PCDHA7: variants seen among roughly 807,000 people sequenced by gnomAD.
The protein encoded by PCDHA7 is protocadherin alpha-7.
A neutral mutation model predicts 57.2 loss-of-function variants in PCDHA7; 37 were observed. The ratio of observed to expected loss-of-function variants is 0.65; its 90% CI spans 0.50 to 0.85. PCDHA7 has a LOEUF of 0.85. Among genes scored for constraint, PCDHA7 ranks in the 40% least tolerant of loss-of-function variants. PCDHA7 has a pLI of 0.00. For synonymous variants in PCDHA7, 553 were observed against 558.8 expected, an observed-to-expected ratio of 0.99 and a Z score of 0.15; for missense variants, 1,188 against 1,241.8, an observed-to-expected ratio of 0.96 and a Z score of 0.65.
At chr5:140,912,139 GTTC>G (rs2075787473) in intron 1 of PCDHA7, among the ~76,000 whole-genome samples, 1 of 152,162 alleles carries the variant, frequency 6.6e-6, no homozygotes. Context: ...ATCTCTCCAT[GTTC>G]TTCTGCCTGT....
intron 1 of PCDHA7, among the ~76,000 whole-genome samples, chr5:140,950,042 T>C (rs2153688283): frequency 6.6e-6 from 1 of 152,082 alleles, no homozygotes; most frequent in South Asian, 2.1e-4. Flanking sequence ...GTTACAACCA[T>C]ATAAGACTAT....
intron 3 of PCDHA7, among the ~76,000 whole-genome samples, chr5:140,986,365 C>T (rs530102099): frequency 2.0e-5 from 3 of 152,194 alleles, no homozygotes; most frequent in Non-Finnish European, 2.9e-5. Flanking sequence ...TGGAGGAATG[C>T]GTTTTGGGGG....
rs2150283763 is a variant in PCDHA7 at position 140,838,077 on chromosome 5, AGTGTGTGTGTGTGTGTGT to A, written c.2355+1376_2355+1393del. On this transcript the variant is annotated intron_variant, in intron 1 of 3. Coordinates refer to ENST00000525929, the MANE Select transcript of PCDHA7 (RefSeq NM_018910.3). ...TTTCCACTTTAAGTTATATATATAT[AGTGTGTGTGTGTGTGTGT>A]GTGTGTGTGTGTGTGTGTGTGTGTG... Among the ~76,000 whole-genome samples the A allele has an allele frequency of 8.8e-4, 71 of 80,700 alleles. No individual in the cohort carries two copies. The South Asian group carries it at 0.01, about 12-fold the overall frequency. The allele number at this position is 80,700 out of a possible 152,430, so 52.9% of individuals were successfully genotyped here. A position where few individuals can be genotyped will look rare whatever the true frequency, so the allele number is the denominator to read the frequency against.
intron 3 of PCDHA7, among the ~76,000 whole-genome samples, chr5:140,987,370 A>G (rs183202119): frequency 5.2e-4 from 79 of 152,328 alleles, no homozygotes; most frequent in East Asian, 3.9e-4. Context: ...TTATATCATT[A>G]CAGGGTCAGA....
At chr5:140,847,637 AAAG>A (rs1781114479) in intron 1 of PCDHA7, 1 of 149,768 alleles carries the variant, frequency 6.7e-6, no homozygotes, top group Admixed American at 6.7e-5. Context: ...TGGAGACTAC[AAAG>A]AAGAGATTAT....
intron 1 of PCDHA7, among the ~76,000 whole-genome samples, chr5:140,955,489 A>G (rs1554221953): frequency 1.3e-5 from 2 of 152,114 alleles, no homozygotes; most frequent in Non-Finnish European, 2.9e-5. Context: ...CCTTCCTGCC[A>G]CCATGTGAAG....
chr5:140,875,521 T>C (rs2055562442), intron 1 of PCDHA7: 2 of 1,614,014 alleles, frequency 1.2e-6, no homozygotes, highest in Non-Finnish European at 1.7e-6. Flanking sequence ...TCTGCTGCTC[T>C]CGCTTCTGCT....
At chr5:140,930,003 A>G (rs1440351209) in intron 1 of PCDHA7, 1 of 152,218 alleles carries the variant, frequency 6.6e-6, no homozygotes, top group Non-Finnish European at 1.5e-5. Flanking sequence ...ACCCTAAAAC[A>G]TAGCTGATAG....
chr5:140,972,515 G>A (rs572041832), intron 1 of PCDHA7, among the ~76,000 whole-genome samples: 1 of 152,166 alleles, frequency 6.6e-6, no homozygotes, highest in South Asian at 2.1e-4. Flanking sequence ...TTTACCCCCA[G>A]TGAGCTTATT....
intron 1 of PCDHA7, among the ~76,000 whole-genome samples, chr5:140,890,620 A>G (rs1554184472): frequency 6.6e-6 from 1 of 152,196 alleles, no homozygotes; most frequent in East Asian, 1.9e-4. Flanking sequence ...TTACCCTAGA[A>G]AATTAAGCAT....
intron 1 of PCDHA7, chr5:140,881,249 A>G (rs1582554645): frequency 2.3e-6 from 1 of 434,858 alleles, no homozygotes; most frequent in Non-Finnish European, 3.1e-6. Context: ...AATGACGGCA[A>G]GGTTTTACTC....
At chr5:140,870,570 G>A in intron 1 of PCDHA7, 1 of 1,613,972 alleles carries the variant, frequency 6.2e-7, no homozygotes, top group Non-Finnish European at 8.5e-7. Flanking sequence ...ACGCGCTGGT[G>A]TCCTACTCGC....
At chr5:140,845,692 G>A (rs1440776749) in intron 1 of PCDHA7, among the ~76,000 whole-genome samples, 1 of 149,364 alleles carries the variant, frequency 6.7e-6, no homozygotes, top group Non-Finnish European at 1.5e-5. Flanking sequence ...TTGTTATTCA[G>A]TTCCTTGGCA....
At position 140,847,060 on chromosome 5, in the gene PCDHA7, C is replaced by T. The variant is rs1457152734; in HGVS notation, c.2355+10322C>T. ...TAAGGAAAGTTGAAGACACAGAAAG[C>T]ATCAATATGACAAGTAGAAAAGTCC... On this transcript the variant is annotated intron_variant, in intron 1 of 3. Coordinates refer to ENST00000525929, the MANE Select transcript of PCDHA7 (RefSeq NM_018910.3). 1.3e-5 allele frequency among the ~76,000 whole-genome samples: 2 copies of T among 149,600 alleles called. 1 individual carries two copies. Among genetic ancestry groups the T allele is most frequent in the Non-Finnish European group, 3.0e-5 (2 of 66,898 alleles).
intron 1 of PCDHA7, chr5:140,870,171 C>T: frequency 6.2e-7 from 1 of 1,614,140 alleles, no homozygotes; most frequent in East Asian, 2.2e-5. Context: ...CCTTGTCCCT[C>T]CCAGTACGAG....
chr5:140,977,012 TTC>T (rs2096742095), intron 1 of PCDHA7, among the ~76,000 whole-genome samples: 1 of 152,220 alleles, frequency 6.6e-6, no homozygotes, highest in African/African-American at 2.4e-5. Context: ...GTAACTGTGA[TTC>T]TGTCAAATGA....
intron 1 of PCDHA7, among the ~76,000 whole-genome samples, chr5:140,925,025 C>T (rs1180931899): frequency 6.6e-6 from 1 of 151,492 alleles, no homozygotes; most frequent in Non-Finnish European, 1.5e-5. Context: ...ATGGGAGGAT[C>T]GCTTGAGCCC....
chr5:140,867,681 A>G (rs759356211), intron 1 of PCDHA7: 2 of 152,096 alleles, frequency 1.3e-5, no homozygotes, highest in African/African-American at 2.4e-5. Flanking sequence ...ATTTTGTTGC[A>G]TCTTCTTTTT....
chr5:140,850,349 G>A (rs2150480668), intron 1 of PCDHA7: 3 of 1,597,844 alleles, frequency 1.9e-6, no homozygotes, highest in Non-Finnish European at 1.7e-6. Flanking sequence ...CGGCCAGCGC[G>A]AGCATCCCGT....
Sources: allele counts gnomAD v4.1 joint callset (sites outside exome capture counted in the v4.1 genomes callset), GRCh38; gene constraint gnomAD v4.1.1; transcripts MANE v1.5; gene names NCBI Gene and HGNC (gene_info 2026-07-23, HGNC 2026-07-21).